The following MUC4 variants were observed in gnomAD, a reference collection of about 807,000 sequenced individuals.
MUC4 encodes mucin 4, cell surface associated, also known as mucin-4.
MUC4 carries 202 observed loss-of-function variants against 257.9 expected under a neutral mutation model. That is an observed-to-expected ratio of 0.78 (90% CI 0.70 to 0.88). The LOEUF (loss-of-function observed/expected upper bound fraction) is 0.88. Ranked by LOEUF, MUC4 falls within the 40% of genes least tolerant of loss-of-function variation. The pLI, the probability that MUC4 is intolerant of heterozygous loss-of-function variation, is 0.00. For missense variants in MUC4, 5,976 were observed against 6,513.7 expected (o/e 0.92, Z 2.84); for synonymous variants, 2,351 against 2,757.1 (o/e 0.85, Z 4.62).
chr3:195,758,991 C>G (rs546768413), intron 17 of MUC4, 133 bp downstream of exon 17: 7 of 1,247,550 alleles, frequency 5.6e-6, no homozygotes, highest in African/African-American at 1.5e-5. Context: ...TCGGAAATGC[C>G]GGTCCTGGAT....
At chr3:195,793,750 C>T (rs1734180245) in intron 1 of MUC4, among the ~76,000 whole-genome samples, 1 of 152,136 alleles carries the variant, frequency 6.6e-6, no homozygotes, top group African/African-American at 2.4e-5. Flanking sequence ...CTGCTATAAG[C>T]CGGGTTAACT....
chr3:195,763,376 G>A (rs992032593), intron 12 of MUC4, 57 bp downstream of exon 12: 1 of 1,381,294 alleles, frequency 7.2e-7, no homozygotes, highest in Non-Finnish European at 9.4e-7. Flanking sequence ...GCCTCAGTAT[G>A]TGGCTGAAGG....
Position 195,782,511 on chromosome 3 carries a change from G to C in MUC4, c.9069C>G (p.Thr3023=), listed in dbSNP as rs748661580. Residue 3023 remains threonine (T), a synonymous_variant, in exon 2 of 25, where the codon ACC becomes ACG. Transcript: ENST00000463781. The stretch of plus-strand genomic sequence containing the variant: ...AGGAAGGGCTGGTGACATGAAGAGG[G>C]GTGGCGTGACCTGTGGATATTGAGG... The part of the protein sequence containing the change: ...DTSSISTGHA[T]PLHVTSPSSA... 142 of 1,383,856 alleles carry C rather than the reference G, an allele frequency of 1.0e-4. 13 individuals are homozygous for C. In the African/African-American group the frequency reaches 2.1e-3, roughly 21 times the overall value. 85.7% of individuals were successfully genotyped at this position (1,383,856 alleles called of 1,614,324 possible).
intron 6 of MUC4, chr3:195,769,406 G>C (rs1722315281): frequency 2.1e-6 from 1 of 482,272 alleles, no homozygotes; most frequent in Non-Finnish European, 3.7e-6. Flanking sequence ...GGAGATAAAG[G>C]GTTCTGGGTT....
In MUC4 at chr3:195,747,264, C is replaced by T. The variant is rs1443191492; in HGVS notation, c.16151G>A (p.Gly5384Glu). ...FGALGGLLLL[G>E]VGTFVVLRFW... is the part of the protein sequence containing the mutation. ...GCGCAGGACCACGAACGTCCCGACC[C>T]CCAGCAGCAAGAGGCCGCCCAGGGC... The change falls in exon 25 of 25, where the codon GGG becomes GAG. Residue 5384 changes from glycine (G) to glutamate (E), a missense_variant. Physicochemically the swap from Gly to Glu is moderately conservative, Grantham distance 98 (BLOSUM62 -2). Coordinates refer to ENST00000463781, the MANE Select transcript of MUC4 (RefSeq NM_018406.7). The T allele has an allele frequency of 1.9e-6, 3 of 1,614,260 alleles. No homozygotes were observed. The highest frequency in any genetic ancestry group is 2.5e-6 in the Non-Finnish European group (3 of 1,180,036).
In MUC4 at chr3:195,791,509, C is replaced by A. The variant is rs773004778; in HGVS notation, c.83-12G>T. 19 of 1,558,720 alleles carry A rather than the reference C, an allele frequency of 1.2e-5. No homozygotes were observed. The highest frequency in any genetic ancestry group is 1.7e-5 in the Admixed American group (1 of 58,852). On this transcript the variant is annotated splice_polypyrimidine_tract_variant and intron_variant, in intron 1 of 24. Transcript: ENST00000463781. ...GTCCTCTGTGGTTCCTGGAGTGAAC[C>A]AAAATAGGCAAGCAGAGAGCTAAAT...
At position 195,769,152 on chromosome 3, in the gene MUC4, T is replaced by C; in HGVS notation, c.13399A>G (p.Ser4467Gly). 6.2e-7 allele frequency: 1 copy of C among 1,613,992 alleles called. No individual in the cohort carries two copies. Among genetic ancestry groups the C allele is most frequent in the Non-Finnish European group, 8.5e-7 (1 of 1,179,952 alleles). The part of the protein sequence containing the change: ...HAYPAQWTLG[S>G]NTYQAILSTD... Reference sequence around the variant, plus strand: ...GAGAGGATGGCTTGGTAGGTGTTGCTCTGGGGGTGGGTGGAAGAAAACACA... The same window carrying C: ...GAGAGGATGGCTTGGTAGGTGTTGCCCTGGGGGTGGGTGGAAGAAAACACA... The change falls in exon 7 of 25, where the codon AGC (serine) becomes GGC (glycine). Residue 4467 changes from serine (S) to glycine (G), a missense_variant and splice_region_variant. Physicochemically the swap from Ser to Gly is moderately conservative, Grantham distance 56. Around this residue, in one of 44 missense-constraint regions of MUC4, gnomAD observed 996 missense variants for 1,137.3 expected, o/e 0.88. Coordinates refer to ENST00000463781, the MANE Select transcript of MUC4 (RefSeq NM_018406.7).
intron 16 of MUC4, among the ~76,000 whole-genome samples, chr3:195,759,918 A>AACACACACACACGCACGCACGCAC (rs1553855204): frequency 6.7e-6 from 1 of 149,738 alleles, no homozygotes. Context: ...AAACTCCGTC[A>AACACACACACACGCACGCACGCAC]ACACACACAC....
chr3:195,776,805 C>T (rs1390340834), intron 3 of MUC4, among the ~76,000 whole-genome samples: 42 of 91,352 alleles, frequency 4.6e-4, no homozygotes, highest in South Asian at 9.8e-4. Flanking sequence ...CCTTCCACAC[C>T]CATACCTTCC....
rs1397975439 is a variant in MUC4 at position 195,746,942 on chromosome 3, G to A, written c.*234C>T. ...TGCACAGGCTAGTGTCCTTCTGTGGGTGTGTCTGCGTGAGGACCCATCCAT... is the reference window on the plus strand; with the variant it reads ...TGCACAGGCTAGTGTCCTTCTGTGGATGTGTCTGCGTGAGGACCCATCCAT... On this transcript the variant is annotated 3_prime_UTR_variant, in exon 25 of 25. Transcript: ENST00000463781. The A allele has an allele frequency of 8.0e-6, 5 of 623,904 alleles. No homozygotes were observed. The highest frequency in any genetic ancestry group is 5.5e-5 in the African/African-American group (3 of 54,506). 38.6% of individuals were successfully genotyped at this position (623,904 alleles called of 1,614,324 possible).
chr3:195,765,061 G>T lies in MUC4; in HGVS notation c.13860C>A (p.Cys4620Ter). 6.2e-7 allele frequency: 1 copy of T among 1,613,942 alleles called. No homozygotes were observed. Among genetic ancestry groups the T allele is most frequent in the Non-Finnish European group, 8.5e-7 (1 of 1,179,962 alleles). ...ACTCTCCCCAGGGCCCGTAGCTGCA[G>T]CACACGCCTCCTCGCCAAGAGGTGA... is the stretch of plus-strand genomic sequence containing the variant. ...CSFTSWRGGV[C>*]CSYGPWGEFR... is the part of the protein sequence containing the mutation. Residue 4620 changes from cysteine (C) to a stop codon, truncating the protein, a stop_gained, in exon 10 of 25, where the codon TGC becomes TGA. Coordinates refer to ENST00000463781, the MANE Select transcript of MUC4 (RefSeq NM_018406.7). LOFTEE classifies it high-confidence loss of function.
rs151158629 is a variant in MUC4 at position 195,811,749 on chromosome 3, C to G, written c.69G>C (p.Pro23=). Reference sequence around the variant, plus strand: ...TCCATCACTTACCTGGGACCACATGCGGAAGGAGGCAGAGACACAGGCAGC... The same window carrying G: ...TCCATCACTTACCTGGGACCACATGGGGAAGGAGGCAGAGACACAGGCAGC... The part of the protein sequence containing the change: ...SLSCLCLCLL[P]HVVPGTTEDT... Residue 23 remains proline (P), a synonymous_variant, in exon 1 of 25, where the codon CCG becomes CCC. Coordinates refer to ENST00000463781, the MANE Select transcript of MUC4 (RefSeq NM_018406.7). 107 of 1,614,002 alleles carry G rather than the reference C, an allele frequency of 6.6e-5. No individual in the cohort carries two copies. The highest frequency in any genetic ancestry group is 1.0e-4 in the Admixed American group (6 of 60,022).
chr3:195,775,191 C>T (rs1724091667), intron 3 of MUC4, among the ~76,000 whole-genome samples: 1 of 152,094 alleles, frequency 6.6e-6, no homozygotes, highest in African/African-American at 2.4e-5. Context: ...CCGCTCCAGG[C>T]ACCACTTGTT....
At chr3:195,767,525 C>CCATCACCATCACCACCAT (rs1720976858) in intron 7 of MUC4, among the ~76,000 whole-genome samples, 2 of 68,740 alleles carry the variant, frequency 2.9e-5, no homozygotes, top group Admixed American at 2.5e-4. Context: ...ATCACCACCA[C>CCATCACCATCACCACCAT]CATCGCCACC....
At chr3:195,776,820 CCATACCTTCCACAGT>C (rs1724911772) in intron 3 of MUC4, among the ~76,000 whole-genome samples, 1 of 89,372 alleles carries the variant, frequency 1.1e-5, no homozygotes, top group African/African-American at 4.1e-5. Context: ...CCTTCCACGG[CCATACCTTCCACAGT>C]CATACCTTCC....
At chr3:195,805,602 T>C (rs1326973043) in intron 1 of MUC4, among the ~76,000 whole-genome samples, 1 of 152,154 alleles carries the variant, frequency 6.6e-6, no homozygotes, top group East Asian at 1.9e-4. Flanking sequence ...AATCAAGTGC[T>C]TCTCCTGCCT....
intron 13 of MUC4, 113 bp from the exon 14 acceptor site, chr3:195,762,367 G>T: frequency 2.5e-6 from 3 of 1,199,852 alleles, no homozygotes; most frequent in Non-Finnish European, 3.5e-6. Flanking sequence ...GCTGAAGCCG[G>T]GAGGGGTCTG....
intron 7 of MUC4, among the ~76,000 whole-genome samples, chr3:195,768,479 G>A (rs1168094293): frequency 6.6e-6 from 1 of 152,214 alleles, no homozygotes; most frequent in Non-Finnish European, 1.5e-5. Flanking sequence ...CCCTGGATAA[G>A]TGGGTAATTC....
rs1251505304 is a variant in MUC4 at position 195,755,406 on chromosome 3, G to A, written c.15169-1034C>T. ...AGACAGGGTCTTGCCATATTGCCCA[G>A]GCTGGTCTCAAAGTCCTGAGCTCAA... On this transcript the variant is annotated intron_variant, in intron 18 of 24. Coordinates refer to ENST00000463781, the MANE Select transcript of MUC4 (RefSeq NM_018406.7). This position sits in a 1 kb window ranked among gnomAD's most constrained non-coding sequence, Gnocchi z 5.0. 6.6e-6 allele frequency among the ~76,000 whole-genome samples: 1 copy of A among 152,024 alleles called. No homozygotes were observed. The highest frequency in any genetic ancestry group is 1.5e-5 in the Non-Finnish European group (1 of 68,004).
Sources: gnomAD v4.1 joint callset for allele counts (sites outside exome capture counted in the v4.1 genomes callset) on GRCh38, gnomAD v4.1.1 for gene constraint, gnomAD v4.1.1 regional missense constraint, Gnocchi (gnomAD v3.1) non-coding constraint, MANE v1.5 for transcripts, NCBI Gene and HGNC (gene_info 2026-07-23, HGNC 2026-07-21) for gene names.